The following BOC variants were observed in gnomAD, a reference collection of about 807,000 sequenced individuals.
The protein encoded by BOC is BOC cell adhesion associated, oncogene regulated.
Under a neutral mutation model 112.0 loss-of-function variants are expected in BOC, and 76 were observed. The observed-to-expected ratio is 0.68, with a 90% CI of 0.56 to 0.82. The LOEUF (loss-of-function observed/expected upper bound fraction) is 0.82. Among genes scored for constraint, BOC ranks in the 40% least tolerant of loss-of-function variants. The pLI is 0.00. For synonymous variants in BOC, 580 were observed against 599.8 expected, an observed-to-expected ratio of 0.97 and a Z score of 0.48; for missense variants, 1,309 against 1,511.7, an observed-to-expected ratio of 0.87 and a Z score of 2.22.
chr3:113,243,079 C>G (rs922399959), intron 2 of BOC, among the ~76,000 whole-genome samples: 1 of 152,166 alleles, frequency 6.6e-6, no homozygotes, highest in African/African-American at 2.4e-5. Context: ...GGGCCTCACT[C>G]GTTCATTCAC....
At chr3:113,215,027 C>A (rs962419691) in intron 1 of BOC, among the ~76,000 whole-genome samples, 3 of 152,238 alleles carry the variant, frequency 2.0e-5, no homozygotes, top group African/African-American at 7.2e-5. Context: ...CTTTTGTCAT[C>A]AGACAGCCCT....
chr3:113,238,814 C>T (rs1943910275), intron 2 of BOC, among the ~76,000 whole-genome samples: 1 of 152,176 alleles, frequency 6.6e-6, no homozygotes, highest in Non-Finnish European at 1.5e-5. Context: ...ATATAAAATT[C>T]GATGAATTCT....
At chr3:113,252,222 T>C (rs1284258602) in intron 4 of BOC, among the ~76,000 whole-genome samples, 3 of 152,100 alleles carry the variant, frequency 2.0e-5, no homozygotes, top group Non-Finnish European at 4.4e-5. Flanking sequence ...GCCTGAGGTG[T>C]AGAAAATAGG....
At chr3:113,276,120 CAG>C (rs1271850311) in intron 9 of BOC, among the ~76,000 whole-genome samples, 1 of 152,192 alleles carries the variant, frequency 6.6e-6, no homozygotes, top group East Asian at 1.9e-4. Context: ...ACCTCCATCT[CAG>C]AGTTGTAGAC....
chr3:113,271,396 C>G (rs1948108424), intron 6 of BOC: 1 of 350,866 alleles, frequency 2.9e-6, no homozygotes, highest in Non-Finnish European at 5.7e-6. Context: ...CCCTGCACCA[C>G]CCTCTGGTGA....
At position 113,274,637 on chromosome 3, in the gene BOC, C is replaced by A; in HGVS notation, c.1497C>A (p.Gly499=). ...TGGTGTGGCGGCCTCGGCATGAGGGCAGTGGCCGGGCGCCAATCCTCTACT... is the reference window on the plus strand; with the variant it reads ...TGGTGTGGCGGCCTCGGCATGAGGGAAGTGGCCGGGCGCCAATCCTCTACT... ...YELVWRPRHE[G]SGRAPILYYV... Residue 499 remains glycine, a synonymous_variant, in exon 9 of 20, where the codon GGC becomes GGA. Transcript: ENST00000682979. The surrounding 1 kb of genome is among the most constrained non-coding windows in gnomAD (Gnocchi z 4.8). The A allele has an allele frequency of 6.2e-7, 1 of 1,608,910 alleles. No individual in the cohort carries two copies. The highest frequency in any genetic ancestry group is 1.1e-5 in the South Asian group (1 of 90,938).
chr3:113,254,583 G>A (rs547325831), intron 4 of BOC, among the ~76,000 whole-genome samples: 1 of 152,366 alleles, frequency 6.6e-6, no homozygotes, highest in South Asian at 2.1e-4. Context: ...GATTACCGAA[G>A]GCACGGTCTG....
At chr3:113,238,843 G>C (rs1559825178) in intron 2 of BOC, among the ~76,000 whole-genome samples, 1 of 152,226 alleles carries the variant, frequency 6.6e-6, no homozygotes, top group African/African-American at 2.4e-5. Context: ...CCTATAGGAG[G>C]TGCTTGCTCA....
intron 19 of BOC, 80 bp from the exon 20 acceptor site, chr3:113,286,595 T>G: frequency 8.1e-6 from 10 of 1,239,942 alleles, no homozygotes; most frequent in African/African-American, 1.5e-5. Context: ...CCACCACAGA[T>G]AGAGATTGGC....
intron 7 of BOC, 146 bp downstream of exon 7, chr3:113,272,849 G>A: frequency 1.1e-5 from 13 of 1,137,728 alleles, no homozygotes; most frequent in South Asian, 1.1e-4. Flanking sequence ...GAAGAGTCAG[G>A]GCTCTTCGGA....
chr3:113,275,985 TC>T (rs1444950438), intron 9 of BOC, among the ~76,000 whole-genome samples: 24 of 152,188 alleles, frequency 1.6e-4, no homozygotes, highest in Admixed American at 1.6e-3. Flanking sequence ...TCATTAGCCC[TC>T]CACCTGCTGG....
intron 4 of BOC, among the ~76,000 whole-genome samples, chr3:113,265,142 T>C (rs925632089): frequency 6.6e-6 from 1 of 152,220 alleles, no homozygotes; most frequent in Admixed American, 6.5e-5. Flanking sequence ...ACTGGGTTGC[T>C]GAGGTGGGTG....
chr3:113,213,595 C>T (rs1043055528), intron 1 of BOC, among the ~76,000 whole-genome samples: 1 of 152,140 alleles, frequency 6.6e-6, no homozygotes, highest in Admixed American at 6.5e-5. Context: ...GTTTTCTGAA[C>T]TTAAAGTAAA....
chr3:113,257,060 A>C (rs979226578), intron 4 of BOC, among the ~76,000 whole-genome samples: 2 of 152,226 alleles, frequency 1.3e-5, no homozygotes, highest in African/African-American at 4.8e-5. Flanking sequence ...ACATGAAATT[A>C]ACCATCACAG....
chr3:113,279,141 C>T (rs1356234394), intron 11 of BOC, 108 bp from the exon 12 acceptor site: 39 of 1,143,438 alleles, frequency 3.4e-5, no homozygotes, highest in Non-Finnish European at 4.3e-5. Context: ...GGAGCGGGCC[C>T]GTCAGGAGCA....
chr3:113,268,530 G>A lies in BOC; in HGVS notation c.523+85G>A, dbSNP rs539195185. 7.1e-4 allele frequency: 973 copies of A among 1,368,568 alleles called. 15 individuals are homozygous for A. The South Asian group carries it at 0.012, about 17-fold the overall frequency. 84.8% of individuals were successfully genotyped at this position (1,368,568 alleles called of 1,614,324 possible). On this transcript the variant is annotated intron_variant, in intron 5 of 19. Coordinates refer to ENST00000682979, the MANE Select transcript of BOC (RefSeq NM_001378074.1). ...AACCGCTCGCTGCTCAACAAAGCTA[G>A]GGCAGCTGCTGCTGTCTCCCAAACC...
chr3:113,274,526 T>C lies in BOC; in HGVS notation c.1386T>C (p.Cys462=). ...CAGTGGGGCCTGCTTCCCCGCAGTG[T>C]CCAGGAGAGAAGGGGCAGGGGGCTC... is the stretch of plus-strand genomic sequence containing the variant. ...PTSVGPASPQ[C]PGEKGQGAPA... is the part of the protein sequence containing the mutation. Residue 462 remains cysteine (C), a synonymous_variant, in exon 9 of 20, where the codon TGT becomes TGC. Coordinates refer to ENST00000682979, the MANE Select transcript of BOC (RefSeq NM_001378074.1). The surrounding 1 kb of genome is among the most constrained non-coding windows in gnomAD (Gnocchi z 4.8). 1 of 1,613,444 alleles carries C rather than the reference T, an allele frequency of 6.2e-7. No individual in the cohort carries two copies. Among genetic ancestry groups the C allele is most frequent in the Non-Finnish European group, 8.5e-7 (1 of 1,179,916 alleles).
At chr3:113,223,495 G>A (rs1576329038) in intron 2 of BOC, among the ~76,000 whole-genome samples, 1 of 152,260 alleles carries the variant, frequency 6.6e-6, no homozygotes, top group South Asian at 2.1e-4. Context: ...CACTCTTTGT[G>A]TTGTACATTT....
chr3:113,260,848 A>T (rs1473495665), intron 4 of BOC, among the ~76,000 whole-genome samples: 1 of 151,802 alleles, frequency 6.6e-6, no homozygotes, highest in Non-Finnish European at 1.5e-5. Flanking sequence ...TGCGCCCCTT[A>T]TGAGAATCTA....
Sources: gnomAD v4.1 joint callset for allele counts (sites outside exome capture counted in the v4.1 genomes callset) on GRCh38, gnomAD v4.1.1 for gene constraint, Gnocchi (gnomAD v3.1) non-coding constraint, MANE v1.5 for transcripts, NCBI Gene and HGNC (gene_info 2026-07-23, HGNC 2026-07-21) for gene names.